Variants in PTPRG observed in about 807,000 individuals in gnomAD.
The protein encoded by PTPRG is receptor-type tyrosine-protein phosphatase gamma.
In PTPRG, 102 loss-of-function variants were observed where a neutral mutation model predicts 165.3. That is an observed-to-expected ratio of 0.62 (90% CI 0.53 to 0.73). The LOEUF is 0.73. PTPRG is among the 30% of genes least tolerant of loss of function. The pLI is 0.00. For synonymous variants in PTPRG, 675 were observed against 669.5 expected (o/e 1.01, Z -0.13); for missense variants, 1,866 against 1,861.4 (o/e 1.00, Z -0.05).
intron 2 of PTPRG, among the ~76,000 whole-genome samples, chr3:61,918,498 T>C (rs763149936): frequency 2.6e-5 from 4 of 152,198 alleles, no homozygotes; most frequent in Non-Finnish European, 4.4e-5. Flanking sequence ...ATTATTCTTT[T>C]GGAGCCACAT....
At chr3:62,006,445 T>TA (rs748581004) in intron 4 of PTPRG, among the ~76,000 whole-genome samples, 86 of 152,354 alleles carry the variant, frequency 5.6e-4, no homozygotes, top group Admixed American at 1.0e-3. Context: ...TTGAGCATCT[T>TA]ACGCTTGGTT....
At chr3:61,935,214 C>G (rs1442636868) in intron 2 of PTPRG, among the ~76,000 whole-genome samples, 4 of 152,188 alleles carry the variant, frequency 2.6e-5, no homozygotes, top group Non-Finnish European at 5.9e-5. Flanking sequence ...CCTTGTCTCT[C>G]ACCTCCAAAC....
At chr3:61,710,796 A>G (rs2106746405) in intron 1 of PTPRG, among the ~76,000 whole-genome samples, 1 of 152,012 alleles carries the variant, frequency 6.6e-6, no homozygotes, top group South Asian at 2.1e-4. Context: ...TTATACTTCA[A>G]GTTCTGGGAT....
chr3:61,825,188 G>A (rs2036070907), intron 2 of PTPRG, among the ~76,000 whole-genome samples: 1 of 152,236 alleles, frequency 6.6e-6, no homozygotes, highest in Non-Finnish European at 1.5e-5. Flanking sequence ...TTATTGGACA[G>A]AATTCAGTAA....
chr3:62,159,400 C>A (rs1004929672), intron 7 of PTPRG, among the ~76,000 whole-genome samples: 1 of 151,986 alleles, frequency 6.6e-6, no homozygotes, highest in African/African-American at 2.4e-5. Flanking sequence ...ATATAGAATT[C>A]CATGTAAGGA....
At chr3:61,797,658 T>A (rs2035094836) in intron 2 of PTPRG, among the ~76,000 whole-genome samples, 2 of 150,756 alleles carry the variant, frequency 1.3e-5, no homozygotes, top group African/African-American at 2.4e-5. Flanking sequence ...AACTAGGTTT[T>A]CCATCTAGTG....
At chr3:61,834,069 CA>C (rs1361021176) in intron 2 of PTPRG, among the ~76,000 whole-genome samples, 2 of 152,176 alleles carry the variant, frequency 1.3e-5, no homozygotes, top group Non-Finnish European at 2.9e-5. Context: ...GGGAAGTAAA[CA>C]TAACGGATTG....
intron 2 of PTPRG, among the ~76,000 whole-genome samples, chr3:61,790,611 T>C (rs566529234): frequency 6.6e-6 from 1 of 152,168 alleles, no homozygotes; most frequent in African/African-American, 2.4e-5. Flanking sequence ...TGTATACACA[T>C]GAGGAAGTAC....
Position 62,262,473 on chromosome 3 carries a change from C to G in PTPRG, c.2560-325C>G, listed in dbSNP as rs534293384. On this transcript the variant is annotated intron_variant, in intron 16 of 29. Coordinates refer to ENST00000474889, the MANE Select transcript of PTPRG (RefSeq NM_002841.4). ...TTTCTCAGGCCTCTTTTGTATTCAT[C>G]ATGTTTGACTATCTTTTTGAATATT... is the stretch of plus-strand genomic sequence containing the variant. The G allele has an allele frequency of 1.6e-5, 3 of 185,354 alleles. No homozygotes were observed. In the South Asian group the frequency reaches 4.8e-4, roughly 29 times the overall value. The allele number at this position is 185,354 out of a possible 1,614,324, so 11.5% of individuals were successfully genotyped here. A position where few individuals can be genotyped will look rare whatever the true frequency, so the allele number is the denominator to read the frequency against.
Position 61,983,376 on chromosome 3 carries a change from T to C in PTPRG, c.191-6249T>C, listed in dbSNP as rs2040683735. ...TTGGATTGTTGCTATTGGTTAAAAG[T>C]AGACAACAAAATGCAGAGTAATAAG... On this transcript the variant is annotated intron_variant, in intron 2 of 29. Coordinates refer to ENST00000474889, the MANE Select transcript of PTPRG (RefSeq NM_002841.4). 3.9e-5 allele frequency among the ~76,000 whole-genome samples: 6 copies of C among 152,116 alleles called. No individual in the cohort carries two copies. The South Asian group carries it at 1.2e-3, about 32-fold the overall frequency.
At chr3:61,935,909 T>C (rs2039473812) in intron 2 of PTPRG, among the ~76,000 whole-genome samples, 1 of 152,104 alleles carries the variant, frequency 6.6e-6, no homozygotes, top group Admixed American at 6.5e-5. Flanking sequence ...TCAAAATGCG[T>C]GTTGAAACTT....
chr3:62,286,040 A>AT (rs1303307118), intron 28 of PTPRG, among the ~76,000 whole-genome samples: 1 of 152,162 alleles, frequency 6.6e-6, no homozygotes, highest in Non-Finnish European at 1.5e-5. Context: ...GTATTTTAAC[A>AT]TTTTCTCAGT....
At chr3:61,716,850 T>C (rs999450408) in intron 1 of PTPRG, among the ~76,000 whole-genome samples, 4 of 152,102 alleles carry the variant, frequency 2.6e-5, no homozygotes, top group African/African-American at 4.8e-5. Flanking sequence ...CAGGCACGCG[T>C]AATCCCAGCT....
chr3:61,967,903 C>G (rs2040304936), intron 2 of PTPRG, among the ~76,000 whole-genome samples: 1 of 152,094 alleles, frequency 6.6e-6, no homozygotes, highest in South Asian at 2.1e-4. Flanking sequence ...TAGATTTTCT[C>G]TAGTAAACAT....
chr3:61,608,227 C>T (rs1350815642), intron 1 of PTPRG, among the ~76,000 whole-genome samples: 2 of 152,114 alleles, frequency 1.3e-5, no homozygotes, highest in Admixed American at 1.3e-4. Flanking sequence ...CTGTCCTCCT[C>T]CATAAAGCTG....
chr3:62,162,319 G>T (rs577475121), intron 7 of PTPRG, among the ~76,000 whole-genome samples: 14 of 151,078 alleles, frequency 9.3e-5, no homozygotes, highest in African/African-American at 3.1e-4. Context: ...CAGTTAAACT[G>T]CAATTACAAA....
At position 62,267,709 on chromosome 3, in the gene PTPRG, A is replaced by G. The variant is rs749533253; in HGVS notation, c.2764A>G (p.Ile922Val). ...VDGYNKAKAY[I>V]ATQGPLKSTF... is the part of the protein sequence containing the mutation. ...GGGTTACAACAAAGCAAAAGCCTAC[A>G]TTGCCACCCAAGGACCTTTGAAGTC... Residue 922 changes from isoleucine to valine, a missense_variant, in exon 19 of 30, where the codon ATT (isoleucine) becomes GTT (valine). Ile to Val is a conservative substitution (Grantham distance 29). Coordinates refer to ENST00000474889, the MANE Select transcript of PTPRG (RefSeq NM_002841.4). 1.9e-6 allele frequency: 3 copies of G among 1,613,356 alleles called. No homozygotes were observed. The highest frequency in any genetic ancestry group is 2.2e-5 in the East Asian group (1 of 44,858).
At chr3:61,763,313 C>T (rs972581250) in intron 2 of PTPRG, among the ~76,000 whole-genome samples, 17 of 152,018 alleles carry the variant, frequency 1.1e-4, no homozygotes, top group Non-Finnish European at 2.4e-4. Context: ...TCTTGGCTCA[C>T]TGCAACCTCC....
At chr3:61,792,002 A>G (rs1295026032) in intron 2 of PTPRG, among the ~76,000 whole-genome samples, 1 of 152,192 alleles carries the variant, frequency 6.6e-6, no homozygotes, top group African/African-American at 2.4e-5. Flanking sequence ...ATCTTCCTGT[A>G]GAATCTTTAG....
Sources: allele counts gnomAD v4.1 joint callset (sites outside exome capture counted in the v4.1 genomes callset), GRCh38; gene constraint gnomAD v4.1.1; transcripts MANE v1.5; gene names NCBI Gene and HGNC (gene_info 2026-07-23, HGNC 2026-07-21).